The following ANKRD28 variants were observed in gnomAD, a reference collection of about 807,000 sequenced individuals.
ANKRD28 encodes serine/threonine-protein phosphatase 6 regulatory ankyrin repeat subunit A.
Under a neutral mutation model 126.5 loss-of-function variants are expected in ANKRD28, and 44 were observed. That is an observed-to-expected ratio of 0.35 (90% CI 0.27 to 0.45). ANKRD28 has a LOEUF of 0.45. Ranked by LOEUF, ANKRD28 falls within the 20% of genes least tolerant of loss-of-function variation. ANKRD28 has a pLI of 1.00. For synonymous variants in ANKRD28, 442 were observed against 468.5 expected (o/e 0.94, Z 0.73); for missense variants, 1,110 against 1,316.6 (o/e 0.84, Z 2.43).
At chr3:15,744,899 C>T (rs900863512) in intron 4 of ANKRD28, among the ~76,000 whole-genome samples, 1 of 152,078 alleles carries the variant, frequency 6.6e-6, no homozygotes, top group African/African-American at 2.4e-5. Context: ...TCCACACCAA[C>T]ATCTATTATT....
Position 15,762,214 on chromosome 3 carries a change from CAAAACAAAAA to C in ANKRD28, c.280+4010_280+4019del, listed in dbSNP as rs1559489245. ...AAAAAAAAAAAAAAAAAAAAAAAAA[CAAAACAAAAA>C]AAAAAAAACTCTCCTGGTTCCTTCC... On this transcript the variant is annotated intron_variant, in intron 3 of 27. Coordinates refer to ENST00000683139, the MANE Select transcript of ANKRD28 (RefSeq NM_001349278.2). Among the ~76,000 whole-genome samples, 345 of 52,254 alleles carry C rather than the reference CAAAACAAAAA, an allele frequency of 6.6e-3. 3 individuals are homozygous for C. Among genetic ancestry groups the C allele is most frequent in the African/African-American group, 0.015 (324 of 21,274 alleles). The allele number at this position is 52,254 out of a possible 152,430, so 34.3% of individuals were successfully genotyped here.
rs1293915490 is a variant in ANKRD28, at chr3:15,737,215, A to G, written c.370T>C (p.Leu124=). ...SCSEEAVQVL[L]KHSADVNARD... The stretch of plus-strand genomic sequence containing the variant: ...GCATTAACATCTGCAGAATGCTTCA[A>G]AAGTACCTGAACTGCTTCCTAAAAC... The change falls in exon 5 of 28, where the codon TTG becomes CTG. Residue 124 remains leucine, a synonymous_variant. Transcript: ENST00000683139. 4 of 1,613,700 alleles carry G rather than the reference A, an allele frequency of 2.5e-6. No homozygotes were observed. Among genetic ancestry groups the G allele is most frequent in the Non-Finnish European group, 3.4e-6 (4 of 1,179,794 alleles).
intron 3 of ANKRD28, among the ~76,000 whole-genome samples, chr3:15,761,740 T>G (rs551822872): frequency 1.3e-5 from 2 of 152,350 alleles, no homozygotes; most frequent in African/African-American, 4.8e-5. Context: ...ACTTGACTTC[T>G]AAAATGTGTA....
At position 15,696,142 on chromosome 3, in the gene ANKRD28, G is replaced by C; in HGVS notation, c.1651C>G (p.Leu551Val). 2 of 1,572,130 alleles carry C rather than the reference G, an allele frequency of 1.3e-6. No homozygotes were observed. The highest frequency in any genetic ancestry group is 1.7e-6 in the Non-Finnish European group (2 of 1,153,034). ...YSAAYGHRLCLQLIASETPLD... is the reference protein window; with the variant it reads ...YSAAYGHRLCVQLIASETPLD... ...GAATTCAGGAATCTTACCAGCTGAAGACATAGACGGTGACCATAAGCAGCT... is the reference window on the plus strand; with the variant it reads ...GAATTCAGGAATCTTACCAGCTGAACACATAGACGGTGACCATAAGCAGCT... The change falls in exon 15 of 28, where the codon CTT becomes GTT. Residue 551 changes from leucine (L) to valine (V), a missense_variant. By Grantham distance (32) the Leu-to-Val change is conservative. Transcript: ENST00000683139.
intron 8 of ANKRD28, among the ~76,000 whole-genome samples, 172 bp downstream of exon 8, chr3:15,720,743 G>A (rs1000152230): frequency 3.9e-5 from 6 of 151,932 alleles, no homozygotes; most frequent in Non-Finnish European, 8.8e-5. Context: ...TACATAAATG[G>A]AAAGAATGTA....
At chr3:15,679,135 CT>C (rs71809219) in intron 23 of ANKRD28, among the ~76,000 whole-genome samples, 165 bp downstream of exon 23, 215 of 143,790 alleles carry the variant, frequency 1.5e-3, no homozygotes, top group Middle Eastern at 3.6e-3. Flanking sequence ...TCATCATGCA[CT>C]TTTTTTTTTT....
intron 4 of ANKRD28, among the ~76,000 whole-genome samples, chr3:15,743,115 T>A (rs1189849898): frequency 6.6e-6 from 1 of 152,122 alleles, no homozygotes; most frequent in Non-Finnish European, 1.5e-5. Flanking sequence ...CTGTGTCCAC[T>A]CAGGGTTAAA....
intron 2 of ANKRD28, among the ~76,000 whole-genome samples, chr3:15,771,366 C>T (rs570616010): frequency 1.1e-4 from 17 of 149,844 alleles, no homozygotes; most frequent in East Asian, 4.0e-4. Context: ...GCCGAGATCC[C>T]GCCACTGCAC....
At chr3:15,716,068 C>T (rs1478291567) in intron 8 of ANKRD28, among the ~76,000 whole-genome samples, 4 of 150,812 alleles carry the variant, frequency 2.7e-5, no homozygotes, top group Middle Eastern at 3.4e-3. Flanking sequence ...CAGCAACCTC[C>T]GCCTCCCGGG....
At chr3:15,682,585 T>TTA (rs779837299) in intron 21 of ANKRD28, among the ~76,000 whole-genome samples, 8 of 152,260 alleles carry the variant, frequency 5.3e-5, no homozygotes, top group Non-Finnish European at 1.2e-4. Flanking sequence ...ATTGAATGAC[T>TTA]ATATAAACTG....
intron 2 of ANKRD28, 39 bp downstream of exon 2, chr3:15,795,184 C>G: frequency 7.5e-7 from 1 of 1,328,656 alleles, no homozygotes; most frequent in East Asian, 2.3e-5. Flanking sequence ...TTTTAAAAAG[C>G]AGTTTTAAAG....
intron 2 of ANKRD28, among the ~76,000 whole-genome samples, chr3:15,786,819 T>A (rs2059803942): frequency 6.6e-6 from 1 of 152,220 alleles, no homozygotes; most frequent in East Asian, 1.9e-4. Flanking sequence ...TTGAGCTTTA[T>A]AGAAAATGCC....
In ANKRD28 at chr3:15,843,369, A is replaced by G. The variant is rs115459027; in HGVS notation, c.27+16008T>C. Among the ~76,000 whole-genome samples, 105 of 152,318 alleles carry G rather than the reference A, an allele frequency of 6.9e-4. No homozygotes were observed. The highest frequency in any genetic ancestry group is 2.5e-3 in the African/African-American group (103 of 41,570). Reference sequence around the variant, plus strand: ...ACACTAAAGATTACATGTCAACATGAGATGTGGGCAAGAACACACATCCAA... The same window carrying G: ...ACACTAAAGATTACATGTCAACATGGGATGTGGGCAAGAACACACATCCAA... On this transcript the variant is annotated intron_variant, in intron 1 of 27. Transcript: ENST00000399451. The surrounding 1 kb of genome is among the most constrained non-coding windows in gnomAD (Gnocchi z 5.2).
At chr3:15,840,644 C>G (rs1352029540) in intron 1 of ANKRD28, among the ~76,000 whole-genome samples, 1 of 152,148 alleles carries the variant, frequency 6.6e-6, no homozygotes, top group Non-Finnish European at 1.5e-5. Context: ...TCAAATTATG[C>G]AACTGAACTA....
chr3:15,722,794 G>A (rs933390869), intron 7 of ANKRD28, among the ~76,000 whole-genome samples: 1 of 152,038 alleles, frequency 6.6e-6, no homozygotes, highest in Non-Finnish European at 1.5e-5. Flanking sequence ...CACAGACAAG[G>A]AACAGATTCT....
chr3:15,706,221 C>T (rs778335041), intron 14 of ANKRD28, among the ~76,000 whole-genome samples: 2 of 152,070 alleles, frequency 1.3e-5, no homozygotes, highest in African/African-American at 4.8e-5. Flanking sequence ...GGTATACCTC[C>T]TAATGCTATC....
intron 1 of ANKRD28, among the ~76,000 whole-genome samples, chr3:15,831,908 A>AAGATAG (rs1259398334): frequency 6.6e-6 from 1 of 152,158 alleles, no homozygotes; most frequent in African/African-American, 2.4e-5. Flanking sequence ...CCACAGAGGG[A>AAGATAG]AGATAGACTA....
At position 15,680,266 on chromosome 3, in the gene ANKRD28, G is replaced by A. The variant is rs529279462; in HGVS notation, c.2390-703C>T. ...GTTGCCCAGCCTGGAGTGCAGTGGC[G>A]CGATCTTGGCTCACTGCAACCTCTG... is the stretch of plus-strand genomic sequence containing the variant. On this transcript the variant is annotated intron_variant, in intron 21 of 27. Coordinates refer to ENST00000683139, the MANE Select transcript of ANKRD28 (RefSeq NM_001349278.2). Among the ~76,000 whole-genome samples, 9 of 151,888 alleles carry A rather than the reference G, an allele frequency of 5.9e-5. No individual in the cohort carries two copies. In the East Asian group the frequency reaches 9.7e-4, roughly 16 times the overall value.
At position 15,667,831 on chromosome 3, in the gene ANKRD28, G is replaced by C. The variant is rs2066060368; in HGVS notation, c.*2439C>G. On this transcript the variant is annotated 3_prime_UTR_variant, in exon 28 of 28. Transcript: ENST00000683139. ...CATCATTTACATATAAGTGATGCAG[G>C]ATAGAAGTTCTGGTGTATGTGATAA... 1 of 152,212 alleles carries C rather than the reference G, an allele frequency of 6.6e-6. No homozygotes were observed. Among genetic ancestry groups the C allele is most frequent in the Non-Finnish European group, 1.5e-5 (1 of 68,044 alleles). The allele number at this position is 152,212 out of a possible 1,614,324, so 9.4% of individuals were successfully genotyped here.
Sources: gnomAD v4.1 joint callset for allele counts (sites outside exome capture counted in the v4.1 genomes callset) on GRCh38, gnomAD v4.1.1 for gene constraint, Gnocchi (gnomAD v3.1) non-coding constraint, MANE v1.5 for transcripts, NCBI Gene and HGNC (gene_info 2026-07-23, HGNC 2026-07-21) for gene names.